Variants in EDAR observed in about 807,000 individuals in gnomAD.
EDAR encodes the protein tumor necrosis factor receptor superfamily member EDAR.
In EDAR, 38 loss-of-function variants were observed where a neutral mutation model predicts 51.3. The ratio of observed to expected loss-of-function variants is 0.74; its 90% CI spans 0.57 to 0.97. EDAR has a LOEUF of 0.97. Ranked by LOEUF, EDAR falls within the 50% of genes least tolerant of loss-of-function variation. The pLI is 0.00. For synonymous variants in EDAR, 227 were observed against 242.1 expected, an observed-to-expected ratio of 0.94 and a Z score of 0.58; for missense variants, 528 against 595.0, an observed-to-expected ratio of 0.89 and a Z score of 1.17.
chr2:108,910,757 G>C lies in EDAR; in HGVS notation c.730+19C>G. 6.2e-7 allele frequency: 1 copy of C among 1,612,240 alleles called. No individual in the cohort carries two copies. The highest frequency in any genetic ancestry group is 8.5e-7 in the Non-Finnish European group (1 of 1,179,804). ...ATGGGCACCGTGCACATGGTGTGTG[G>C]AAGCCCTGGTTCACAGACCTGGGGC... On this transcript the variant is annotated intron_variant, in intron 8 of 11. Transcript: ENST00000258443.
At chr2:108,962,638 G>A (rs1330884943) in intron 1 of EDAR, among the ~76,000 whole-genome samples, 1 of 132,328 alleles carries the variant, frequency 7.6e-6, no homozygotes, top group African/African-American at 3.0e-5. Context: ...TCGCTCCACT[G>A]CCCTCCAGCC....
chr2:108,912,863 GC>G, intron 5 of EDAR, 99 bp from the exon 6 acceptor site: 1 of 995,818 alleles, frequency 1.0e-6, no homozygotes. Context: ...TCATGAATGG[GC>G]CTGAGGCAGT....
At position 108,912,707 on chromosome 2, in the gene EDAR, G is replaced by GT. The variant is rs1696950399; in HGVS notation, c.499dup (p.Thr167AsnfsTer88). On this transcript the variant is annotated frameshift_variant, in exon 6 of 12. Coordinates refer to ENST00000258443, the MANE Select transcript of EDAR (RefSeq NM_022336.4). LOFTEE classifies it high-confidence loss of function. ...GTGGGCGTGCTGGAAGGGAGACAGG[G>GT]TGCTGCTGCCCGAGGTGCCAGGGAA... 1 of 1,601,142 alleles carries GT rather than the reference G, an allele frequency of 6.2e-7. No individual in the cohort carries two copies. The highest frequency in any genetic ancestry group is 8.5e-7 in the Non-Finnish European group (1 of 1,174,380).
intron 1 of EDAR, among the ~76,000 whole-genome samples, chr2:108,971,411 G>A (rs1032051763): frequency 7.2e-5 from 11 of 151,948 alleles, no homozygotes; most frequent in African/African-American, 1.9e-4. Flanking sequence ...GGTGATTTGC[G>A]TGCAAATCAC....
chr2:108,943,132 C>G (rs1321315928), intron 1 of EDAR, among the ~76,000 whole-genome samples: 1 of 152,148 alleles, frequency 6.6e-6, no homozygotes, highest in Non-Finnish European at 1.5e-5. Context: ...TTGGATCCTT[C>G]CTGTCAAACT....
At chr2:108,986,138 G>A (rs1479660684) in intron 1 of EDAR, among the ~76,000 whole-genome samples, 2 of 152,154 alleles carry the variant, frequency 1.3e-5, no homozygotes, top group East Asian at 3.8e-4. Flanking sequence ...CTGTTGGGAT[G>A]CCTGAGCCCC....
chr2:108,932,073 C>A (rs1697375263), intron 1 of EDAR, among the ~76,000 whole-genome samples: 1 of 152,248 alleles, frequency 6.6e-6, no homozygotes, highest in East Asian at 1.9e-4. Flanking sequence ...TCATGAAAAC[C>A]AACTAATTCC....
chr2:108,930,034 C>T lies in EDAR; in HGVS notation c.174+86G>A, dbSNP rs1190966988. The T allele has an allele frequency of 3.3e-6, 5 of 1,497,400 alleles. No homozygotes were observed. The Admixed American group carries it at 1.0e-4, about 30-fold the overall frequency. The allele number at this position is 1,497,400 out of a possible 1,614,324, so 92.8% of individuals were successfully genotyped here. On this transcript the variant is annotated intron_variant, in intron 3 of 11. Transcript: ENST00000258443. ...TGATATACCCTGGCATCCCCTCACA[C>T]AGCAAGGCAGGCTCAGGGCAACAAT...
At chr2:108,947,722 C>T (rs995513030) in intron 1 of EDAR, among the ~76,000 whole-genome samples, 1 of 152,150 alleles carries the variant, frequency 6.6e-6, no homozygotes, top group Non-Finnish European at 1.5e-5. Context: ...ATGCCAAGTC[C>T]TGGGGCTGCA....
At chr2:108,955,490 G>A (rs1305871109) in intron 1 of EDAR, among the ~76,000 whole-genome samples, 1 of 152,200 alleles carries the variant, frequency 6.6e-6, no homozygotes, top group Non-Finnish European at 1.5e-5. Flanking sequence ...GCTCACACCT[G>A]TAATCCTAGC....
intron 1 of EDAR, among the ~76,000 whole-genome samples, chr2:108,986,609 G>A (rs1013266462): frequency 2.0e-5 from 3 of 152,130 alleles, no homozygotes; most frequent in African/African-American, 7.2e-5. Flanking sequence ...GTGGGACTTC[G>A]GGCAAGACAG....
rs578024268 is a variant in EDAR, at chr2:108,898,685, C to G, written c.1025-1456G>C. On this transcript the variant is annotated intron_variant, in intron 11 of 11. Transcript: ENST00000258443. ...TTCATAATAAAAGTGCTTCAACAAG[C>G]AATTATGAACATGCTTAAATGCAAA... is the stretch of plus-strand genomic sequence containing the variant. Among the ~76,000 whole-genome samples the G allele has an allele frequency of 4.9e-4, 75 of 152,066 alleles. 1 individual carries two copies. Among genetic ancestry groups the G allele is most frequent in the African/African-American group, 1.7e-3 (72 of 41,474 alleles).
Position 108,912,714 on chromosome 2 carries a change from T to G in EDAR, c.493A>C (p.Ser165Arg). ...ASANFPGTSGSSTLSPFQHAH... is the reference protein window; with the variant it reads ...ASANFPGTSGRSTLSPFQHAH... ...TGCTGGAAGGGAGACAGGGTGCTGC[T>G]GCCCGAGGTGCCAGGGAAGTTGGCA... The change falls in exon 6 of 12, where the codon AGC becomes CGC. Residue 165 changes from serine (S) to arginine (R), a missense_variant. Transcript: ENST00000258443. The G allele has an allele frequency of 6.2e-7, 1 of 1,602,396 alleles. No individual in the cohort carries two copies. Among genetic ancestry groups the G allele is most frequent in the Non-Finnish European group, 8.5e-7 (1 of 1,174,974 alleles).
intron 1 of EDAR, among the ~76,000 whole-genome samples, chr2:108,950,084 A>C (rs1697794314): frequency 6.6e-6 from 1 of 152,172 alleles, no homozygotes; most frequent in African/African-American, 2.4e-5. Flanking sequence ...TGACCCCAGG[A>C]GGGGCCTGCT....
At chr2:108,960,114 C>T (rs1024009522) in intron 1 of EDAR, among the ~76,000 whole-genome samples, 1 of 152,206 alleles carries the variant, frequency 6.6e-6, no homozygotes, top group Non-Finnish European at 1.5e-5. Flanking sequence ...GCTGGGTCCA[C>T]TGATAGTACA....
At chr2:108,912,628 T>A (rs763754294) in intron 6 of EDAR, 50 bp downstream of exon 6, 11 of 1,504,818 alleles carry the variant, frequency 7.3e-6, no homozygotes, top group African/African-American at 1.4e-5. Context: ...TGAGCTTTCA[T>A]CCGAGTACCA....
intron 10 of EDAR, 64 bp from the exon 11 acceptor site, chr2:108,906,432 C>T (rs1459171699): frequency 1.3e-6 from 2 of 1,574,042 alleles, no homozygotes; most frequent in Admixed American, 3.4e-5. Context: ...GAGGCAAATC[C>T]TCCATGTCAG....
chr2:108,934,268 T>C (rs931640152), intron 1 of EDAR, among the ~76,000 whole-genome samples: 1 of 152,180 alleles, frequency 6.6e-6, no homozygotes, highest in Non-Finnish European at 1.5e-5. Context: ...CAGGGCAGCC[T>C]GTGGTTTGGA....
At chr2:108,909,883 T>A (rs944091359) in intron 9 of EDAR, among the ~76,000 whole-genome samples, 5 of 152,234 alleles carry the variant, frequency 3.3e-5, no homozygotes, top group African/African-American at 9.6e-5. Flanking sequence ...CCAGCCCTGC[T>A]GTTCACTAGT....
Sources: gnomAD v4.1 joint callset for allele counts (sites outside exome capture counted in the v4.1 genomes callset) on GRCh38, gnomAD v4.1.1 for gene constraint, MANE v1.5 for transcripts, NCBI Gene and HGNC (gene_info 2026-07-23, HGNC 2026-07-21) for gene names.